LARP1: variants seen among roughly 807,000 people sequenced by gnomAD.
The protein encoded by LARP1 is la-related protein 1.
In LARP1, 36 loss-of-function variants were observed where a neutral mutation model predicts 122.7. That is an observed-to-expected ratio of 0.29 (90% confidence interval 0.22 to 0.39). The LOEUF (loss-of-function observed/expected upper bound fraction) is 0.39. Ranked by LOEUF, LARP1 falls within the 10% of genes least tolerant of loss-of-function variation. LARP1 has a pLI of 1.00. For synonymous variants in LARP1, 539 were observed against 528.7 expected (o/e 1.02, Z -0.27); for missense variants, 1,040 against 1,403.6 (o/e 0.74, Z 4.14).
At chr5:154,748,517 T>C (rs994283801) in intron 1 of LARP1, among the ~76,000 whole-genome samples, 15 of 152,240 alleles carry the variant, frequency 9.9e-5, no homozygotes, top group African/African-American at 3.1e-4. Flanking sequence ...AAATCTACTT[T>C]AACTATGGAG....
intron 1 of LARP1, among the ~76,000 whole-genome samples, chr5:154,773,577 A>C (rs1051550120): frequency 6.6e-6 from 1 of 152,192 alleles, no homozygotes; most frequent in African/African-American, 2.4e-5. Context: ...ATAGGGGAAG[A>C]TACTTAACCG....
rs1347275716 is a variant in LARP1, at chr5:154,755,615, C to G, written c.-143C>G. On this transcript the variant is annotated 5_prime_UTR_variant, in exon 1 of 19. Transcript: ENST00000518297. ...GCATCTAACTGGGAGGGGGCCGCAC[C>G]TCGCGTGAACCCCGACCCTTCTCTG... 5.1e-5 allele frequency: 50 copies of G among 987,466 alleles called. No individual in the cohort carries two copies. Among genetic ancestry groups the G allele is most frequent in the Non-Finnish European group, 6.0e-5 (50 of 830,106 alleles). 61.2% of individuals were successfully genotyped at this position (987,466 alleles called of 1,614,324 possible). A position where few individuals can be genotyped will look rare whatever the true frequency, so the allele number is the denominator to read the frequency against.
chr5:154,803,320 A>G lies in LARP1; in HGVS notation c.2140A>G (p.Met714Val), dbSNP rs1233210446. ...QEVENFKKVN[M>V]ISREQFDTLT... ...AGTCGAGAACTTCAAAAAGGTCAAT[A>G]TGATCAGCCGGGAGCAGTTTGACAC... Residue 714 changes from methionine to valine, a missense_variant, in exon 12 of 19, where the codon ATG becomes GTG. Transcript: ENST00000518297. The surrounding 1 kb of genome is among the most constrained non-coding windows in gnomAD (Gnocchi z 4.4). 6.2e-7 allele frequency: 1 copy of G among 1,614,144 alleles called. No homozygotes were observed. The highest frequency in any genetic ancestry group is 2.2e-5 in the East Asian group (1 of 44,886).
intron 1 of LARP1, among the ~76,000 whole-genome samples, chr5:154,780,037 G>A (rs1466979132): frequency 6.6e-6 from 1 of 152,086 alleles, no homozygotes; most frequent in Admixed American, 6.5e-5. Context: ...CTCCTGGGAA[G>A]CAAGGCTGCC....
At chr5:154,760,240 G>C (rs1326935171) in intron 1 of LARP1, among the ~76,000 whole-genome samples, 1 of 152,188 alleles carries the variant, frequency 6.6e-6, no homozygotes, top group Non-Finnish European at 1.5e-5. Context: ...ACCGCGCCCG[G>C]CCCTAGGAGC....
At chr5:154,759,715 T>A (rs993308790) in intron 1 of LARP1, among the ~76,000 whole-genome samples, 2 of 152,126 alleles carry the variant, frequency 1.3e-5, no homozygotes, top group East Asian at 3.9e-4. Flanking sequence ...TTTTTTGACT[T>A]TATGTTGTTG....
intron 1 of LARP1, among the ~76,000 whole-genome samples, chr5:154,739,911 C>T (rs13178728): frequency 0.059 from 8,962 of 152,036 alleles, 337 homozygotes; most frequent in South Asian, 0.1. Flanking sequence ...TTTAAAACCA[C>T]TAGCAAGCAA....
chr5:154,724,156 T>G (rs960454763), intron 1 of LARP1, among the ~76,000 whole-genome samples: 1 of 152,252 alleles, frequency 6.6e-6, no homozygotes, highest in African/African-American at 2.4e-5. Context: ...GAAAGAAAGC[T>G]GGAATAAGGC....
At chr5:154,806,133 CTTCAGAGCAAAAAAAAGACATGACA>C in intron 15 of LARP1, 101 bp downstream of exon 15, 1 of 1,247,290 alleles carries the variant, frequency 8.0e-7, no homozygotes, top group Non-Finnish European at 1.1e-6. Context: ...TTTTCTCTGA[CTTCAGAGCAAAAAAAAGACATGACA>C]TTATAGCAAG....
exon 1 of LARP1, chr5:154,712,927 T>A (rs559208289): frequency 6.2e-7 from 1 of 1,614,070 alleles, no homozygotes; most frequent in African/African-American, 1.3e-5. Context: ...GGTCACTCCA[T>A]GCTTTGGAGG....
At chr5:154,795,041 T>G in intron 7 of LARP1, 134 bp from the exon 8 acceptor site, 2 of 797,910 alleles carry the variant, frequency 2.5e-6, no homozygotes, top group Non-Finnish European at 4.1e-6. Flanking sequence ...TCAACACTGT[T>G]GGTATATAGG....
chr5:154,711,540 A>G (rs142769607), upstream of LARP1, among the ~76,000 whole-genome samples: 22 of 152,210 alleles, frequency 1.4e-4, no homozygotes, highest in African/African-American at 4.6e-4. Context: ...GGCTACCAGA[A>G]TGATTGTTGG....
chr5:154,797,144 G>C (rs1396589015), intron 8 of LARP1, among the ~76,000 whole-genome samples: 1 of 150,374 alleles, frequency 6.7e-6, no homozygotes, highest in African/African-American at 2.5e-5. Flanking sequence ...TACTTGGTTG[G>C]TCATTCTTTC....
Position 154,803,370 on chromosome 5 carries a change from T to C in LARP1, c.2190T>C (p.Asp730=). The C allele has an allele frequency of 6.2e-7, 1 of 1,614,038 alleles. No individual in the cohort carries two copies. Among genetic ancestry groups the C allele is most frequent in the Non-Finnish European group, 8.5e-7 (1 of 1,180,004 alleles). ...FDTLTPEPPV[D]PNQEVPPGPP... ...CACTGACCCCTGAGCCCCCTGTGGA[T>C]CCCAACCAGGAAGTTCCTCCTGGGC... Residue 730 remains aspartate (D), a synonymous_variant, in exon 12 of 19, where the codon GAT becomes GAC. Coordinates refer to ENST00000518297, the MANE Select transcript of LARP1 (RefSeq NM_033551.3). This position sits in a 1 kb window ranked among gnomAD's most constrained non-coding sequence, Gnocchi z 4.4.
At chr5:154,799,552 T>A in intron 8 of LARP1, 39 bp from the exon 9 acceptor site, 1 of 1,604,764 alleles carries the variant, frequency 6.2e-7, no homozygotes, top group Non-Finnish European at 8.5e-7. Flanking sequence ...CTGTCCAAGA[T>A]TTTCTTCTTA....
At chr5:154,777,696 T>A (rs1400496643) in intron 1 of LARP1, among the ~76,000 whole-genome samples, 1 of 152,214 alleles carries the variant, frequency 6.6e-6, no homozygotes, top group Non-Finnish European at 1.5e-5. Context: ...AAAGTGTAAC[T>A]GAATTGTTTG....
intron 1 of LARP1, among the ~76,000 whole-genome samples, chr5:154,788,366 G>A (rs1027117796): frequency 6.6e-6 from 1 of 152,212 alleles, no homozygotes; most frequent in African/African-American, 2.4e-5. Context: ...GGCATGTGGG[G>A]TATCTTGAGG....
intron 1 of LARP1, among the ~76,000 whole-genome samples, chr5:154,747,242 G>T (rs951096388): frequency 1.3e-5 from 2 of 151,158 alleles, no homozygotes; most frequent in African/African-American, 4.9e-5. Flanking sequence ...GGAGACGGAG[G>T]TTGCAGTGAG....
chr5:154,735,545 TTTTATTTATTTATTTA>T lies in LARP1; in HGVS notation c.205+22435_205+22450del, dbSNP rs201042247. Among the ~76,000 whole-genome samples the T allele has an allele frequency of 2.5e-3, 365 of 143,922 alleles. 2 individuals are homozygous for T. The highest frequency in any genetic ancestry group is 8.7e-3 in the African/African-American group (341 of 39,366). The allele number at this position is 143,922 out of a possible 152,430, so 94.4% of individuals were successfully genotyped here. A position where few individuals can be genotyped will look rare whatever the true frequency, so the allele number is the denominator to read the frequency against. On this transcript the variant is annotated intron_variant, in intron 1 of 18. Transcript: ENST00000336314. ...ATGGTAGTTCCATTTTTATTTTTAT[TTTTATTTATTTATTTA>T]TTTATTTATTTATTTATTTTTTCTG...
Sources: allele counts gnomAD v4.1 joint callset (sites outside exome capture counted in the v4.1 genomes callset), GRCh38; gene constraint gnomAD v4.1.1; non-coding constraint Gnocchi (gnomAD v3.1); transcripts MANE v1.5; gene names NCBI Gene and HGNC (gene_info 2026-07-23, HGNC 2026-07-21).